Variants in PKNOX2 observed in about 807,000 individuals in gnomAD.
PKNOX2 encodes the protein homeobox protein PKNOX2.
A neutral mutation model predicts 53.1 loss-of-function variants in PKNOX2; 14 were observed. The ratio of observed to expected loss-of-function variants is 0.26; its 90% confidence interval spans 0.17 to 0.41. PKNOX2 has a LOEUF of 0.41. Ranked by LOEUF, PKNOX2 falls within the 10% of genes least tolerant of loss-of-function variation. The pLI is 1.00. For missense variants in PKNOX2, 496 were observed against 602.8 expected, an observed-to-expected ratio of 0.82 and a Z score of 1.85; for synonymous variants, 257 against 242.8, an observed-to-expected ratio of 1.06 and a Z score of -0.54.
At chr11:125,290,378 G>C (rs2135904979) in intron 2 of PKNOX2, among the ~76,000 whole-genome samples, 1 of 152,276 alleles carries the variant, frequency 6.6e-6, no homozygotes, top group East Asian at 1.9e-4. Context: ...GTTTATTTCT[G>C]TCTCCCTCTA....
intron 1 of PKNOX2, among the ~76,000 whole-genome samples, chr11:125,174,690 G>A (rs774585475): frequency 3.9e-5 from 6 of 152,110 alleles, no homozygotes; most frequent in Admixed American, 2.0e-4. Context: ...TGCAGGGGCC[G>A]GGAGAGTGCT....
chr11:125,328,128 CAG>C (rs1259354617), intron 2 of PKNOX2, among the ~76,000 whole-genome samples: 1 of 152,164 alleles, frequency 6.6e-6, no homozygotes, highest in East Asian at 1.9e-4. Flanking sequence ...ATGAAAGAGA[CAG>C]AGGCTGGAGG....
At chr11:125,195,352 A>G (rs1196301297) in intron 1 of PKNOX2, among the ~76,000 whole-genome samples, 2 of 152,116 alleles carry the variant, frequency 1.3e-5, no homozygotes, top group Non-Finnish European at 2.9e-5. Context: ...CTCAGTTCAT[A>G]ATCTTTTAAG....
At chr11:125,238,504 A>T (rs545159528) in intron 2 of PKNOX2, among the ~76,000 whole-genome samples, 2 of 152,324 alleles carry the variant, frequency 1.3e-5, no homozygotes, top group East Asian at 3.9e-4. Context: ...AACAGAATTG[A>T]AATTCAACTA....
chr11:125,362,892 C>A (rs73618194), intron 4 of PKNOX2, among the ~76,000 whole-genome samples: 3,847 of 152,218 alleles, frequency 0.025, 164 homozygotes, highest in African/African-American at 0.087. Flanking sequence ...TCTCTCAGCC[C>A]CACCCAGATT....
intron 1 of PKNOX2, among the ~76,000 whole-genome samples, chr11:125,191,812 G>A (rs987795884): frequency 1.3e-5 from 2 of 152,160 alleles, no homozygotes; most frequent in Non-Finnish European, 2.9e-5. Flanking sequence ...AGCGTCACTG[G>A]TAATGCTGTT....
intron 6 of PKNOX2, among the ~76,000 whole-genome samples, chr11:125,397,108 G>C (rs897146386): frequency 1.3e-5 from 2 of 152,298 alleles, no homozygotes; most frequent in Middle Eastern, 6.8e-3. Flanking sequence ...TTGCAAAATA[G>C]CTTCTTGCCA....
chr11:125,238,865 G>A (rs184084978), intron 2 of PKNOX2, among the ~76,000 whole-genome samples: 108 of 152,316 alleles, frequency 7.1e-4, no homozygotes, highest in African/African-American at 2.5e-3. Context: ...TGGATTTGAA[G>A]TACAAAGATC....
At chr11:125,281,181 C>G (rs1946532173) in intron 2 of PKNOX2, among the ~76,000 whole-genome samples, 1 of 152,210 alleles carries the variant, frequency 6.6e-6, no homozygotes, top group Non-Finnish European at 1.5e-5. Context: ...CCTGCAAGAG[C>G]TCGTGGCCAG....
At chr11:125,400,536 C>CTTCAGCCT (rs1954683458) in intron 7 of PKNOX2, among the ~76,000 whole-genome samples, 1 of 152,192 alleles carries the variant, frequency 6.6e-6, no homozygotes, top group African/African-American at 2.4e-5. Context: ...CTAGGTCTGG[C>CTTCAGCCT]TTCAGCCTTC....
At position 125,352,083 on chromosome 11, in the gene PKNOX2, C is replaced by CT. The variant is rs1465292756; in HGVS notation, c.87+693dup. Among the ~76,000 whole-genome samples the CT allele has an allele frequency of 6.6e-6, 1 of 152,094 alleles. No homozygotes were observed. The highest frequency in any genetic ancestry group is 1.5e-5 in the Non-Finnish European group (1 of 68,014). ...TCTGGCTGTCTTCATGCTGCCTGCC[C>CT]TTCTCCTCCTGGAAGCCTGCCCAGC... On this transcript the variant is annotated intron_variant, in intron 4 of 12. Transcript: ENST00000298282. The surrounding 1 kb of genome is among the most constrained non-coding windows in gnomAD (Gnocchi z 4.1).
chr11:125,189,447 G>GTGTGTGTGTATATATA (rs1256963392), intron 1 of PKNOX2, among the ~76,000 whole-genome samples: 1 of 23,464 alleles, frequency 4.3e-5, no homozygotes, highest in African/African-American at 1.6e-4. Flanking sequence ...GTGTGTGTGT[G>GTGTGTGTGTATATATA]TATATATATA....
intron 2 of PKNOX2, among the ~76,000 whole-genome samples, chr11:125,256,898 T>C (rs899088020): frequency 2.0e-5 from 3 of 152,310 alleles, no homozygotes; most frequent in East Asian, 3.9e-4. Context: ...GCTTTCCTTG[T>C]GGCTTTGGTA....
chr11:125,245,844 C>T (rs1591494454), intron 2 of PKNOX2, among the ~76,000 whole-genome samples: 3 of 152,310 alleles, frequency 2.0e-5, no homozygotes. Context: ...GGTCTGGAAC[C>T]TTAGGACTCC....
Position 125,367,900 on chromosome 11 carries a change from C to A in PKNOX2, c.142C>A (p.Pro48Thr). 1 of 1,613,758 alleles carries A rather than the reference C, an allele frequency of 6.2e-7. No homozygotes were observed. The highest frequency in any genetic ancestry group is 8.5e-7 in the Non-Finnish European group (1 of 1,179,946). ...GGCCCAGGCTGTCCACATCTCTGCC[C>A]CCTCAGCTGCTGCCAGCACACCTGT... ...SKAQAVHISAPSAAASTPVPS... is the reference protein window; with the variant it reads ...SKAQAVHISATSAAASTPVPS... Residue 48 changes from proline to threonine, a missense_variant, in exon 5 of 13, where the codon CCC (proline) becomes ACC (threonine). By Grantham distance (38) the Pro-to-Thr change is conservative (BLOSUM62 -1). Coordinates refer to ENST00000298282, the MANE Select transcript of PKNOX2 (RefSeq NM_001382323.2).
chr11:125,241,599 G>A (rs1028111887), intron 2 of PKNOX2, among the ~76,000 whole-genome samples: 1 of 152,252 alleles, frequency 6.6e-6, no homozygotes, highest in African/African-American at 2.4e-5. Flanking sequence ...GCTCACGCCT[G>A]TAATCCCAGC....
In PKNOX2 at chr11:125,306,890, G is replaced by T. The variant is rs184766199; in HGVS notation, c.-129-24929G>T. On this transcript the variant is annotated intron_variant, in intron 2 of 12. Coordinates refer to ENST00000298282, the MANE Select transcript of PKNOX2 (RefSeq NM_001382323.2). ...CTTTCTTCCCAGGGTTGCATTTGGA[G>T]AATTTGCTGAGAGAATGGATTTAAG... 8.5e-5 allele frequency among the ~76,000 whole-genome samples: 13 copies of T among 152,266 alleles called. No individual in the cohort carries two copies. In the East Asian group the frequency reaches 2.5e-3, roughly 29 times the overall value.
chr11:125,358,180 C>G (rs1029160409), intron 4 of PKNOX2, among the ~76,000 whole-genome samples: 3 of 152,196 alleles, frequency 2.0e-5, no homozygotes, highest in Non-Finnish European at 2.9e-5. Flanking sequence ...TGGGATTTAA[C>G]CTTAATTACT....
Position 125,398,193 on chromosome 11 carries a change from C to A in PKNOX2, c.588+131C>A, listed in dbSNP as rs763277793. On this transcript the variant is annotated intron_variant, in intron 7 of 12. Coordinates refer to ENST00000298282, the MANE Select transcript of PKNOX2 (RefSeq NM_001382323.2). ...ACTGGGTTCCTTTGCCATGAGGGCC[C>A]TCCTCTGATGCACTCTTCTTCATAT... 8.2e-6 allele frequency: 7 copies of A among 853,672 alleles called. No individual in the cohort carries two copies. The African/African-American group carries it at 1.0e-4, about 13-fold the overall frequency. 52.9% of individuals were successfully genotyped at this position (853,672 alleles called of 1,614,324 possible). A position where few individuals can be genotyped will look rare whatever the true frequency, so the allele number is the denominator to read the frequency against.
Sources: gnomAD v4.1 joint callset for allele counts (sites outside exome capture counted in the v4.1 genomes callset) on GRCh38, gnomAD v4.1.1 for gene constraint, Gnocchi (gnomAD v3.1) non-coding constraint, MANE v1.5 for transcripts, NCBI Gene and HGNC (gene_info 2026-07-23, HGNC 2026-07-21) for gene names.